DYNLT1: variants seen among roughly 807,000 people sequenced by gnomAD.
The protein encoded by DYNLT1 is dynein light chain Tctex-type 1.
A neutral mutation model predicts 19.6 loss-of-function variants in DYNLT1; 18 were observed. The observed-to-expected ratio is 0.92, with a 90% CI of 0.64 to 1.36. The LOEUF is 1.36. DYNLT1 is among the 40% of genes most tolerant of loss of function. The pLI, the probability that DYNLT1 is intolerant of heterozygous loss-of-function variation, is 0.00. For missense variants in DYNLT1, 137 were observed against 139.3 expected (o/e 0.98, Z 0.08); for synonymous variants, 56 against 44.0 (o/e 1.27, Z -1.07).
chr6:158,636,711 C>T lies in DYNLT1; in HGVS notation c.*116G>A, dbSNP rs1003604626. 7.9e-7 allele frequency: 1 copy of T among 1,261,308 alleles called. No homozygotes were observed. The highest frequency in any genetic ancestry group is 1.1e-6 in the Non-Finnish European group (1 of 907,716). 78.1% of individuals were successfully genotyped at this position (1,261,308 alleles called of 1,614,324 possible). On this transcript the variant is annotated 3_prime_UTR_variant, in exon 5 of 5. Transcript: ENST00000367089. ...TGCGGTCATTTGGTTTTTTCCTCTA[C>T]ATTGTGAAAGTGCCACAAAACAAAG...
chr6:158,636,792 G>T lies in DYNLT1; in HGVS notation c.*35C>A. The T allele has an allele frequency of 6.3e-7, 1 of 1,590,358 alleles. No homozygotes were observed. The highest frequency in any genetic ancestry group is 8.6e-7 in the Non-Finnish European group (1 of 1,166,806). The stretch of plus-strand genomic sequence containing the variant: ...GCTGGTGGTTAGAGGATGAACTAGA[G>T]ACAAAAGGAGAAAGGCCATAGGCTG... On this transcript the variant is annotated 3_prime_UTR_variant, in exon 5 of 5. Transcript: ENST00000367089.
intron 4 of DYNLT1, 42 bp downstream of exon 4, chr6:158,637,086 T>C (rs2128336870): frequency 6.2e-7 from 1 of 1,612,232 alleles, no homozygotes; most frequent in African/African-American, 1.3e-5. Flanking sequence ...CAGTCATATA[T>C]TTCACACAAC....
rs989679903 is a variant in DYNLT1, at chr6:158,636,869, C to T, written c.300G>A (p.Lys100=). The T allele has an allele frequency of 6.8e-6, 11 of 1,613,524 alleles. No homozygotes were observed. Among genetic ancestry groups the T allele is most frequent in the Non-Finnish European group, 8.5e-6 (10 of 1,179,766 alleles). The change falls in exon 5 of 5, where the codon AAG becomes AAA. Residue 100 remains lysine, a synonymous_variant. Transcript: ENST00000367089. ...AGGCACTGACGATGCAGTACATGGT[C>T]TTATTCTCCCATCGCACAGTGCAGC... ...DGSCTVRWEN[K]TMYCIVSAFG...
Position 158,643,647 on chromosome 6 carries a change from A to C in DYNLT1, c.27+1035T>G, listed in dbSNP as rs147393298. 3.6e-4 allele frequency among the ~76,000 whole-genome samples: 55 copies of C among 152,132 alleles called. 1 individual carries two copies. The highest frequency in any genetic ancestry group is 3.4e-3 in the Middle Eastern group (1 of 294). ...CAGGCATGCGCCACCACGCCCGGCT[A>C]ATTTTGTATTTTTAAAAGAGACGGG... On this transcript the variant is annotated intron_variant, in intron 1 of 4. Transcript: ENST00000367089.
In DYNLT1 at chr6:158,644,689, G is replaced by C. The variant is rs763537767; in HGVS notation, c.20C>G (p.Ala7Gly). The C allele has an allele frequency of 6.2e-7, 1 of 1,611,850 alleles. No individual in the cohort carries two copies. The highest frequency in any genetic ancestry group is 1.3e-5 in the African/African-American group (1 of 74,910). Reference protein sequence around the residue: MEDYQAAEETAFVVDEV... With the variant: MEDYQAGEETAFVVDEV... ...CGCCGACCCGGCGGTTACCTCCTCC[G>C]CAGCCTGGTAGTCTTCCATCTTTCC... The change falls in exon 1 of 5, where the codon GCG (alanine) becomes GGG (glycine). Residue 7 changes from alanine to glycine, a missense_variant. Coordinates refer to ENST00000367089, the MANE Select transcript of DYNLT1 (RefSeq NM_006519.4).
intron 2 of DYNLT1, among the ~76,000 whole-genome samples, 191 bp downstream of exon 2, chr6:158,641,128 T>A (rs575210781): frequency 2.0e-5 from 3 of 152,224 alleles, no homozygotes; most frequent in Non-Finnish European, 4.4e-5. Flanking sequence ...ACTCCTTATC[T>A]GATTTAAAAT....
rs557755774 is a variant in DYNLT1, at chr6:158,637,995, T to C, written c.70-101A>G. ...ACCCCAAGAAGTGATTTATGAAAAG[T>C]TTATTTTTAATCATGAGGGTGCCTT... is the stretch of plus-strand genomic sequence containing the variant. On this transcript the variant is annotated intron_variant, in intron 2 of 4. Transcript: ENST00000367089. 22 of 1,529,670 alleles carry C rather than the reference T, an allele frequency of 1.4e-5. No homozygotes were observed. In the Admixed American group the frequency reaches 4.1e-4, roughly 29 times the overall value. 94.8% of individuals were successfully genotyped at this position (1,529,670 alleles called of 1,614,324 possible). A position where few individuals can be genotyped will look rare whatever the true frequency, so the allele number is the denominator to read the frequency against.
chr6:158,637,670 T>G (rs1213056045), intron 3 of DYNLT1, 101 bp downstream of exon 3: 2 of 1,595,790 alleles, frequency 1.3e-6, no homozygotes, highest in Admixed American at 1.7e-5. Flanking sequence ...GGAGCCTTCC[T>G]TGAGTTGAGC....
chr6:158,637,675 T>C, intron 3 of DYNLT1, 96 bp downstream of exon 3: 1 of 1,600,900 alleles, frequency 6.2e-7, no homozygotes, highest in Non-Finnish European at 8.6e-7. Flanking sequence ...CTTCCTTGAG[T>C]TGAGCCACGT....
rs775326121 is a variant in DYNLT1, at chr6:158,644,684, C to A, written c.25G>T (p.Glu9Ter). 15 of 1,612,036 alleles carry A rather than the reference C, an allele frequency of 9.3e-6. No individual in the cohort carries two copies. Among genetic ancestry groups the A allele is most frequent in the Non-Finnish European group, 1.2e-5 (14 of 1,179,736 alleles). MEDYQAAE[E>*]TAFVVDEVSN... is the part of the protein sequence containing the mutation. ...TCCGTCGCCGACCCGGCGGTTACCTCCTCCGCAGCCTGGTAGTCTTCCATC... is the reference window on the plus strand; with the variant it reads ...TCCGTCGCCGACCCGGCGGTTACCTACTCCGCAGCCTGGTAGTCTTCCATC... The change falls in exon 1 of 5, where the codon GAG (glutamate) becomes TAG (stop). Residue 9 changes from glutamate to a stop codon, truncating the protein, a stop_gained and splice_region_variant. Transcript: ENST00000367089. LOFTEE classifies it high-confidence loss of function.
intron 3 of DYNLT1, 180 bp from the exon 4 acceptor site, chr6:158,637,385 C>T (rs1469013416): frequency 3.1e-6 from 2 of 637,894 alleles, no homozygotes; most frequent in Non-Finnish European, 5.6e-6. Flanking sequence ...CCTTGACTTA[C>T]AACATCCCAT....
Position 158,636,902 on chromosome 6 carries a change from G to A in DYNLT1, c.272-5C>T, listed in dbSNP as rs763904666. On this transcript the variant is annotated splice_region_variant and splice_polypyrimidine_tract_variant and intron_variant, in intron 4 of 4. Coordinates refer to ENST00000367089, the MANE Select transcript of DYNLT1 (RefSeq NM_006519.4). ...CCCATCGCACAGTGCAGCTCCCTGCGGGAGGGAAGAGAGCAGCATTTACGG... is the reference window on the plus strand; with the variant it reads ...CCCATCGCACAGTGCAGCTCCCTGCAGGAGGGAAGAGAGCAGCATTTACGG... 6.8e-6 allele frequency: 11 copies of A among 1,613,170 alleles called. No individual in the cohort carries two copies. The highest frequency in any genetic ancestry group is 5.5e-5 in the South Asian group (5 of 90,832).
At chr6:158,643,353 T>C (rs980768602) in intron 1 of DYNLT1, among the ~76,000 whole-genome samples, 1 of 152,248 alleles carries the variant, frequency 6.6e-6, no homozygotes. Flanking sequence ...ATTCAAACAC[T>C]GATTATGCCA....
chr6:158,637,915 C>A, intron 2 of DYNLT1, 21 bp from the exon 3 acceptor site: 1 of 1,599,052 alleles, frequency 6.3e-7, no homozygotes, highest in Middle Eastern at 1.7e-4. Flanking sequence ...AAGCACAAAG[C>A]GCGTCCCGGT....
chr6:158,636,818 G>A lies in DYNLT1; in HGVS notation c.*9C>T. 2 of 1,608,696 alleles carry A rather than the reference G, an allele frequency of 1.2e-6. No homozygotes were observed. Among genetic ancestry groups the A allele is most frequent in the Non-Finnish European group, 1.7e-6 (2 of 1,177,710 alleles). On this transcript the variant is annotated 3_prime_UTR_variant, in exon 5 of 5. Coordinates refer to ENST00000367089, the MANE Select transcript of DYNLT1 (RefSeq NM_006519.4). ...ACAAAAGGAGAAAGGCCATAGGCTGGACTGCAGGTCAAATAGACAGTCCGA... is the reference window on the plus strand; with the variant it reads ...ACAAAAGGAGAAAGGCCATAGGCTGAACTGCAGGTCAAATAGACAGTCCGA...
intron 1 of DYNLT1, 139 bp from the exon 2 acceptor site, chr6:158,641,499 C>G (rs1381255322): frequency 8.3e-6 from 5 of 599,992 alleles, no homozygotes; most frequent in South Asian, 3.6e-5. Context: ...TCAGCTTTAC[C>G]AAGGATGGCA....
chr6:158,638,300 A>G (rs1240791930), intron 2 of DYNLT1, among the ~76,000 whole-genome samples: 1 of 152,268 alleles, frequency 6.6e-6, no homozygotes, highest in Non-Finnish European at 1.5e-5. Flanking sequence ...AGCTATCCAA[A>G]TAATCATATA....
intron 2 of DYNLT1, among the ~76,000 whole-genome samples, chr6:158,640,652 T>C (rs1202997791): frequency 2.6e-5 from 4 of 152,184 alleles, no homozygotes; most frequent in African/African-American, 4.8e-5. Context: ...AAATGGTCCC[T>C]GAACTCCCTG....
chr6:158,637,664 C>T, intron 3 of DYNLT1, 107 bp downstream of exon 3: 1 of 1,576,058 alleles, frequency 6.3e-7, no homozygotes, highest in Non-Finnish European at 8.7e-7. Context: ...CCACCAGGAG[C>T]CTTCCTTGAG....
Sources: gnomAD v4.1 joint callset for allele counts (sites outside exome capture counted in the v4.1 genomes callset) on GRCh38, gnomAD v4.1.1 for gene constraint, MANE v1.5 for transcripts, NCBI Gene and HGNC (gene_info 2026-07-23, HGNC 2026-07-21) for gene names.